The following ORC5 variants were observed in gnomAD, a reference collection of about 807,000 sequenced individuals.
ORC5 encodes the protein origin recognition complex subunit 5.
A neutral mutation model predicts 58.8 loss-of-function variants in ORC5; 39 were observed. The ratio of observed to expected loss-of-function variants is 0.66; its 90% confidence interval spans 0.51 to 0.87. The LOEUF (loss-of-function observed/expected upper bound fraction) is 0.87. Ranked by LOEUF, ORC5 falls within the 40% of genes least tolerant of loss-of-function variation. The pLI is 0.00. For missense variants in ORC5, 493 were observed against 506.3 expected (o/e 0.97, Z 0.25); for synonymous variants, 218 against 177.6 (o/e 1.23, Z -1.81).
chr7:104,154,273 A>G (rs1798889841), intron 12 of ORC5, among the ~76,000 whole-genome samples: 1 of 152,060 alleles, frequency 6.6e-6, no homozygotes, highest in Non-Finnish European at 1.5e-5. Flanking sequence ...AATATCAATC[A>G]TTGCTTCAAA....
chr7:104,200,720 CAAGAT>C (rs1353555025), intron 3 of ORC5, 33 bp downstream of exon 3: 8 of 1,251,026 alleles, frequency 6.4e-6, no homozygotes, highest in East Asian at 2.4e-5. Flanking sequence ...TATCAGTTTT[CAAGAT>C]AAGAGATGAT....
chr7:104,165,128 C>T, intron 11 of ORC5, 107 bp downstream of exon 11: 1 of 620,562 alleles, frequency 1.6e-6, no homozygotes. Flanking sequence ...CATATCAACA[C>T]AAATAAGTTC....
intron 12 of ORC5, among the ~76,000 whole-genome samples, chr7:104,145,647 T>C (rs1798742475): frequency 6.6e-6 from 1 of 152,100 alleles, no homozygotes; most frequent in Admixed American, 6.5e-5. Context: ...ATATTTGTTA[T>C]TCTTCCCTGC....
intron 12 of ORC5, among the ~76,000 whole-genome samples, chr7:104,154,971 A>T (rs1584489558): frequency 6.6e-6 from 1 of 151,792 alleles, no homozygotes; most frequent in Admixed American, 6.6e-5. Context: ...TAAAAAAAAA[A>T]TTTTCATAGA....
chr7:104,200,648 T>C (rs769947893), intron 3 of ORC5, 110 bp downstream of exon 3: 7 of 679,768 alleles, frequency 1.0e-5, no homozygotes, highest in Non-Finnish European at 1.8e-5. Flanking sequence ...TAAAAGCACC[T>C]GGCACAGAGC....
At chr7:104,194,082 TG>T (rs1364113613) in intron 5 of ORC5, among the ~76,000 whole-genome samples, 4 of 149,032 alleles carry the variant, frequency 2.7e-5, no homozygotes, top group African/African-American at 9.8e-5. Context: ...TGAACAGTGC[TG>T]ACACAGGTAC....
intron 6 of ORC5, among the ~76,000 whole-genome samples, chr7:104,185,965 C>A (rs1030241952): frequency 6.6e-6 from 1 of 151,794 alleles, no homozygotes; most frequent in African/African-American, 2.4e-5. Flanking sequence ...TCATAAAAAA[C>A]AATGATTTAA....
intron 11 of ORC5, among the ~76,000 whole-genome samples, chr7:104,164,416 C>A (rs1251101423): frequency 1.3e-5 from 2 of 152,232 alleles, no homozygotes; most frequent in South Asian, 2.1e-4. Flanking sequence ...TGAGACCCTA[C>A]CTCAAAAACA....
chr7:104,150,516 C>T (rs983085133), intron 12 of ORC5, among the ~76,000 whole-genome samples: 3 of 149,838 alleles, frequency 2.0e-5, no homozygotes, highest in Non-Finnish European at 4.4e-5. Flanking sequence ...AGCAGTTCAA[C>T]TTTAAATCAC....
intron 12 of ORC5, among the ~76,000 whole-genome samples, chr7:104,149,543 GT>G (rs1436230371): frequency 6.6e-6 from 1 of 152,038 alleles, no homozygotes; most frequent in Non-Finnish European, 1.5e-5. Flanking sequence ...ACAAAGTTTT[GT>G]TTTTGTTTTT....
intron 8 of ORC5, among the ~76,000 whole-genome samples, chr7:104,173,838 ATTTTTTCTTT>A (rs757170400): frequency 2.4e-5 from 3 of 122,754 alleles, no homozygotes; most frequent in Non-Finnish European, 3.5e-5. Flanking sequence ...TGGGTTTAAA[ATTTTTTCTTT>A]TTTTTTTTTT....
intron 9 of ORC5, 93 bp from the exon 10 acceptor site, chr7:104,166,977 T>G: frequency 1.4e-6 from 1 of 693,562 alleles, no homozygotes; most frequent in East Asian, 2.5e-5. Flanking sequence ...CCATATGGTA[T>G]TCTCTAGTCA....
At chr7:104,155,359 C>A (rs1005717635) in intron 12 of ORC5, among the ~76,000 whole-genome samples, 1 of 151,446 alleles carries the variant, frequency 6.6e-6, no homozygotes, top group Admixed American at 6.6e-5. Flanking sequence ...AAGTATGAAA[C>A]CACTCAGAAA....
intron 12 of ORC5, among the ~76,000 whole-genome samples, chr7:104,151,388 G>T (rs966441382): frequency 3.9e-5 from 6 of 152,098 alleles, no homozygotes; most frequent in African/African-American, 1.2e-4. Flanking sequence ...AAAAAAAGGA[G>T]AATGTTTAAG....
chr7:104,143,594 A>AT (rs980873189), intron 12 of ORC5, among the ~76,000 whole-genome samples: 1 of 152,110 alleles, frequency 6.6e-6, no homozygotes, highest in South Asian at 2.1e-4. Flanking sequence ...TGATTGATCA[A>AT]TTTTTTTAGG....
intron 2 of ORC5, chr7:104,202,274 T>A: frequency 4.9e-6 from 1 of 204,478 alleles, no homozygotes. Flanking sequence ...TTGGCACAAA[T>A]AATGGAACTG....
chr7:104,191,719 T>TA lies in ORC5; in HGVS notation c.554-3339dup, dbSNP rs926431690. ...ACAGTCTAGGACTATTCAAATTCAT[T>TA]AAAAAAAAATCCCATCTATAATAGA... On this transcript the variant is annotated intron_variant, in intron 5 of 13. Coordinates refer to ENST00000297431, the MANE Select transcript of ORC5 (RefSeq NM_002553.4). Among the ~76,000 whole-genome samples the TA allele has an allele frequency of 2.6e-4, 40 of 151,222 alleles. No homozygotes were observed. The East Asian group carries it at 3.1e-3, about 12-fold the overall frequency.
At chr7:104,176,670 C>T (rs1187719810) in intron 8 of ORC5, among the ~76,000 whole-genome samples, 1 of 121,184 alleles carries the variant, frequency 8.3e-6, no homozygotes, top group Non-Finnish European at 2.0e-5. Flanking sequence ...CTTTGCCAAG[C>T]AGTCCATTTA....
intron 12 of ORC5, among the ~76,000 whole-genome samples, chr7:104,148,943 A>G (rs1268216318): frequency 6.6e-6 from 1 of 151,620 alleles, no homozygotes; most frequent in African/African-American, 2.4e-5. Flanking sequence ...CTGAGGCAGG[A>G]GAATCGCTTG....
Sources: gnomAD v4.1 joint callset for allele counts (sites outside exome capture counted in the v4.1 genomes callset) on GRCh38, gnomAD v4.1.1 for gene constraint, MANE v1.5 for transcripts, NCBI Gene and HGNC (gene_info 2026-07-23, HGNC 2026-07-21) for gene names.